Variants in ISY1 observed in about 807,000 individuals in gnomAD.
ISY1 encodes pre-mRNA-splicing factor ISY1 homolog.
Under a neutral mutation model 54.4 loss-of-function variants are expected in ISY1, and 12 were observed. The ratio of observed to expected loss-of-function variants is 0.22; its 90% CI spans 0.14 to 0.36. ISY1 has a LOEUF of 0.36. Among genes scored for constraint, ISY1 ranks in the 10% least tolerant of loss-of-function variants. The pLI, the probability that ISY1 is intolerant of heterozygous loss-of-function variation, is 1.00. For missense variants in ISY1, 282 were observed against 342.2 expected (o/e 0.82, Z 1.39); for synonymous variants, 96 against 117.9 (o/e 0.81, Z 1.20).
chr3:129,137,248 A>G, intron 7 of ISY1: 1 of 985,816 alleles, frequency 1.0e-6, no homozygotes, highest in Non-Finnish European at 1.2e-6. Flanking sequence ...CCAAACAGAT[A>G]ATAATGGTTA....
In ISY1 at chr3:129,140,561, C is replaced by T. The variant is rs537886443; in HGVS notation, c.301-76G>A. 2.5e-4 allele frequency: 354 copies of T among 1,428,644 alleles called. 1 individual carries two copies. The highest frequency in any genetic ancestry group is 3.0e-4 in the Non-Finnish European group (317 of 1,055,772). 88.5% of individuals were successfully genotyped at this position (1,428,644 alleles called of 1,614,324 possible). A position where few individuals can be genotyped will look rare whatever the true frequency, so the allele number is the denominator to read the frequency against. ...TTATTATTTATTTATTTATTTGAGG[C>T]GGAGTCTCGCTCTGTTGCCCATTTA... On this transcript the variant is annotated intron_variant, in intron 6 of 10. Coordinates refer to ENST00000393295, the MANE Select transcript of ISY1 (RefSeq NM_020701.4).
Position 129,158,767 on chromosome 3 carries a change from C to T in ISY1, c.27-208G>A, listed in dbSNP as rs140903362. 5.5e-3 allele frequency among the ~76,000 whole-genome samples: 831 copies of T among 152,246 alleles called. 2 individuals carry two copies. The highest frequency in any genetic ancestry group is 9.0e-3 in the Non-Finnish European group (615 of 68,006). On this transcript the variant is annotated intron_variant, in intron 2 of 10. Transcript: ENST00000393295. ...ATGAGGCAATTTGTATTCCTGAACA[C>T]CCAAGAATCTATTTTACTTACACTA...
rs568862354 is a variant in ISY1, at chr3:129,134,608, C to T, written c.541+224G>A. On this transcript the variant is annotated intron_variant, in intron 8 of 10. Coordinates refer to ENST00000393295, the MANE Select transcript of ISY1 (RefSeq NM_020701.4). ...TGGTGACCTCCTAGCAGACAGGGAC[C>T]GGTCAGACGTGGCTCTCATGGCTTC... Among the ~76,000 whole-genome samples, 7 of 152,262 alleles carry T rather than the reference C, an allele frequency of 4.6e-5. No homozygotes were observed. The East Asian group carries it at 5.8e-4, about 13-fold the overall frequency.
chr3:129,140,538 AT>A (rs1936576650), intron 6 of ISY1, 53 bp from the exon 7 acceptor site: 1 of 1,514,432 alleles, frequency 6.6e-7, no homozygotes, highest in East Asian at 2.3e-5. Flanking sequence ...TTAGTTAGTT[AT>A]TATTTATTTA....
At chr3:129,146,624 C>T (rs1362061911) in intron 5 of ISY1, among the ~76,000 whole-genome samples, 1 of 152,120 alleles carries the variant, frequency 6.6e-6, no homozygotes. Context: ...CATGAGAGGA[C>T]TTCTAGGGGT....
intron 10 of ISY1, among the ~76,000 whole-genome samples, 161 bp from the exon 11 acceptor site, chr3:129,130,349 T>C (rs1339128191): frequency 6.6e-6 from 1 of 152,154 alleles, no homozygotes; most frequent in Non-Finnish European, 1.5e-5. Context: ...ATTGGAAACA[T>C]TTGAACGATA....
intron 3 of ISY1, 37 bp from the exon 4 acceptor site, chr3:129,156,957 T>G: frequency 6.2e-7 from 1 of 1,608,398 alleles, no homozygotes. Context: ...CATTATACTA[T>G]TTACAAGTTT....
rs150166993 is a variant in ISY1 at position 129,159,028 on chromosome 3, A to G, written c.26+126T>C. 5.0e-5 allele frequency: 60 copies of G among 1,210,226 alleles called. No homozygotes were observed. The African/African-American group carries it at 9.1e-4, about 18-fold the overall frequency. 75.0% of individuals were successfully genotyped at this position (1,210,226 alleles called of 1,614,324 possible). ...AATGTTTTTGCATATGTAAGAACAT[A>G]ACATATGTAAAGAAAGAAACAGCTT... On this transcript the variant is annotated intron_variant, in intron 2 of 10. Coordinates refer to ENST00000393295, the MANE Select transcript of ISY1 (RefSeq NM_020701.4).
At chr3:129,135,579 T>A (rs763155987) in intron 7 of ISY1, among the ~76,000 whole-genome samples, 1 of 151,190 alleles carries the variant, frequency 6.6e-6, no homozygotes, top group Non-Finnish European at 1.5e-5. Flanking sequence ...GCGTGGCCAA[T>A]ATGGTGAAAC....
At chr3:129,154,335 G>A (rs1560022605) in intron 5 of ISY1, among the ~76,000 whole-genome samples, 2 of 145,094 alleles carry the variant, frequency 1.4e-5, no homozygotes. Context: ...GAAATTGCTT[G>A]AACCCAGGGA....
intron 5 of ISY1, among the ~76,000 whole-genome samples, chr3:129,148,020 CCTTA>C (rs1482874438): frequency 1.3e-5 from 2 of 151,840 alleles, no homozygotes; most frequent in East Asian, 3.9e-4. Context: ...AGAGATGAGG[CCTTA>C]CTATGTTGCC....
intron 5 of ISY1, among the ~76,000 whole-genome samples, chr3:129,149,636 T>TATATATATATAC (rs759382962): frequency 1.8e-5 from 1 of 54,710 alleles, no homozygotes; most frequent in African/African-American, 6.0e-5. Flanking sequence ...TATATATATA[T>TATATATATATAC]ACACAAAAAA....
At chr3:129,144,396 G>A (rs1475580414) in intron 6 of ISY1, among the ~76,000 whole-genome samples, 1 of 152,082 alleles carries the variant, frequency 6.6e-6, no homozygotes, top group Non-Finnish European at 1.5e-5. Context: ...TATGTACTAG[G>A]GTAAGAATTA....
intron 7 of ISY1, among the ~76,000 whole-genome samples, chr3:129,139,698 A>C (rs1452883001): frequency 6.6e-6 from 1 of 151,640 alleles, no homozygotes; most frequent in Non-Finnish European, 1.5e-5. Flanking sequence ...GCTGGAGTGC[A>C]ATGGCACGAT....
intron 5 of ISY1, among the ~76,000 whole-genome samples, chr3:129,152,644 G>A (rs752177030): frequency 2.0e-5 from 3 of 152,122 alleles, no homozygotes; most frequent in East Asian, 1.9e-4. Flanking sequence ...CTGATCTCAC[G>A]ATCCACCCAC....
chr3:129,150,560 A>C (rs895654544), intron 5 of ISY1, among the ~76,000 whole-genome samples: 3 of 152,154 alleles, frequency 2.0e-5, no homozygotes, highest in Non-Finnish European at 4.4e-5. Context: ...AAATACAAAA[A>C]AAATTAGCCA....
At chr3:129,154,307 C>T (rs940726634) in intron 5 of ISY1, among the ~76,000 whole-genome samples, 3 of 146,936 alleles carry the variant, frequency 2.0e-5, no homozygotes, top group Admixed American at 6.9e-5. Context: ...CCCAGCTACT[C>T]GGGAGGCTGA....
intron 5 of ISY1, among the ~76,000 whole-genome samples, chr3:129,148,777 C>T (rs1432873934): frequency 1.3e-5 from 2 of 152,026 alleles, no homozygotes. Context: ...CCATGTTGGC[C>T]AGGCTGGTCT....
intron 6 of ISY1, among the ~76,000 whole-genome samples, chr3:129,140,909 T>C (rs1936587135): frequency 6.6e-6 from 1 of 151,796 alleles, no homozygotes; most frequent in Admixed American, 6.6e-5. Flanking sequence ...TTTGCAAATA[T>C]ATTTTAAGAT....
Sources: allele counts gnomAD v4.1 joint callset (sites outside exome capture counted in the v4.1 genomes callset), GRCh38; gene constraint gnomAD v4.1.1; transcripts MANE v1.5; gene names NCBI Gene and HGNC (gene_info 2026-07-23, HGNC 2026-07-21).